Variants in URB1 observed in about 807,000 individuals in gnomAD.
The protein encoded by URB1 is URB1 ribosome biogenesis factor, also known as nucleolar pre-ribosomal-associated protein 1.
In URB1, 197 loss-of-function variants were observed where a neutral mutation model predicts 242.3. The ratio of observed to expected loss-of-function variants is 0.81; its 90% CI spans 0.72 to 0.91. URB1 has a LOEUF of 0.91. URB1 is among the 40% of genes least tolerant of loss of function. The probability of loss-of-function intolerance (pLI) is 0.00; values close to 1 mark genes in which losing one functional copy is unlikely to be tolerated. For missense variants in URB1, 2,721 were observed against 2,860.5 expected (o/e 0.95, Z 1.11); for synonymous variants, 1,153 against 1,201.8 (o/e 0.96, Z 0.84).
chr21:32,380,631 C>T (rs1055995115), intron 4 of URB1, among the ~76,000 whole-genome samples: 1 of 152,196 alleles, frequency 6.6e-6, no homozygotes, highest in African/African-American at 2.4e-5. Context: ...GCTTAAGCTG[C>T]TCCCAAGCCA....
intron 2 of URB1, 62 bp from the exon 3 acceptor site, chr21:32,384,526 T>C (rs2033560530): frequency 1.3e-6 from 2 of 1,514,268 alleles, no homozygotes; most frequent in Non-Finnish European, 1.8e-6. Context: ...TGTACATATA[T>C]GCTCCTTTTG....
chr21:32,328,829 G>A (rs538392126), intron 30 of URB1, among the ~76,000 whole-genome samples: 2 of 152,300 alleles, frequency 1.3e-5, no homozygotes, highest in African/African-American at 4.8e-5. Context: ...TCAGAATGCT[G>A]AAAACATGAT....
Position 32,368,751 on chromosome 21 carries a change from G to A in URB1, c.1002-153C>T, listed in dbSNP as rs149738937. 3.9e-5 allele frequency among the ~76,000 whole-genome samples: 6 copies of A among 152,246 alleles called. No individual in the cohort carries two copies. In the East Asian group the frequency reaches 7.7e-4, roughly 20 times the overall value. ...CCCCAGGACGTAAAGTGGGGGTTCC[G>A]TGGCCTGGGGGTTCCAGCTCTCCAC... On this transcript the variant is annotated intron_variant, in intron 8 of 38. Coordinates refer to ENST00000382751, the MANE Select transcript of URB1 (RefSeq NM_014825.3).
At chr21:32,336,242 G>A (rs937695803) in intron 28 of URB1, among the ~76,000 whole-genome samples, 5 of 152,078 alleles carry the variant, frequency 3.3e-5, no homozygotes, top group Non-Finnish European at 7.4e-5. Context: ...GGGTGGGGAG[G>A]GTTGGGAGAT....
rs781756108 is a variant in URB1, at chr21:32,311,930, TC to T, written c.*2987del. ...TCTGGGAACTGACCCTCAATGGGGGTCCCCTCGTCAGGAGCAAGCCCAGCGA... is the reference window on the plus strand; with the variant it reads ...TCTGGGAACTGACCCTCAATGGGGGTCCCTCGTCAGGAGCAAGCCCAGCGA... On this transcript the variant is annotated 3_prime_UTR_variant, in exon 39 of 39. Coordinates refer to ENST00000382751, the MANE Select transcript of URB1 (RefSeq NM_014825.3). 8 of 1,613,202 alleles carry T rather than the reference TC, an allele frequency of 5.0e-6. No homozygotes were observed. The highest frequency in any genetic ancestry group is 6.8e-6 in the Non-Finnish European group (8 of 1,179,958).
At chr21:32,372,371 T>C (rs1490017315) in intron 8 of URB1, 136 bp downstream of exon 8, 4 of 1,214,232 alleles carry the variant, frequency 3.3e-6, no homozygotes, top group Non-Finnish European at 4.4e-6. Context: ...GGACTACAAC[T>C]GTTCAACCCT....
chr21:32,374,413 C>T (rs1463322185), intron 6 of URB1, among the ~76,000 whole-genome samples: 2 of 152,080 alleles, frequency 1.3e-5, no homozygotes, highest in African/African-American at 4.8e-5. Flanking sequence ...TGATGCAACT[C>T]CCCCAGTTCA....
Position 32,314,903 on chromosome 21 carries a change from G to C in URB1, c.*15C>G. On this transcript the variant is annotated 3_prime_UTR_variant, in exon 39 of 39. Transcript: ENST00000382751. ...GGCTCTGGTCATCAGGGTGCAAGGT[G>C]CTGGCCGGCAGGAGTCAAGCATCTG... The C allele has an allele frequency of 6.5e-7, 1 of 1,546,812 alleles. No homozygotes were observed. The highest frequency in any genetic ancestry group is 8.7e-7 in the Non-Finnish European group (1 of 1,144,310).
Position 32,347,395 on chromosome 21 carries a change from G to A in URB1, c.3429C>T (p.Ser1143=). 1 of 1,551,470 alleles carries A rather than the reference G, an allele frequency of 6.4e-7. No individual in the cohort carries two copies. Among genetic ancestry groups the A allele is most frequent in the East Asian group, 2.4e-5 (1 of 40,902 alleles). Reference sequence around the variant, plus strand: ...CATTCAGGTGTCTTTCCTTCCCGGGGGATTTCGTGGGTTGCTGGGTCACCA... The same window carrying A: ...CATTCAGGTGTCTTTCCTTCCCGGGAGATTTCGTGGGTTGCTGGGTCACCA... ...THLVTQQPTK[S]PGKERHLNAL... is the part of the protein sequence containing the mutation. The change falls in exon 22 of 39, where the codon TCC becomes TCT. Residue 1143 remains serine, a synonymous_variant. Transcript: ENST00000382751.
chr21:32,347,188 G>C lies in URB1; in HGVS notation c.3636C>G (p.Pro1212=). 6.5e-7 allele frequency: 1 copy of C among 1,549,602 alleles called. No homozygotes were observed. Residue 1212 remains proline, a synonymous_variant, in exon 22 of 39, where the codon CCC becomes CCG. Transcript: ENST00000382751. ...AGTCAAGCAGATCAGCCCCGACTGC[G>C]GGGGCCAGCACAGGGTCTCTCTGCA... is the stretch of plus-strand genomic sequence containing the variant. ...HTLQRDPVLA[P]AVGADLLDYC... is the part of the protein sequence containing the mutation.
At chr21:32,322,387 C>G (rs1254704308) in intron 33 of URB1, 91 bp downstream of exon 33, 3 of 1,202,368 alleles carry the variant, frequency 2.5e-6, no homozygotes, top group Non-Finnish European at 3.6e-6. Flanking sequence ...GTGCAGCATA[C>G]AGGATCCATG....
At chr21:32,352,612 T>G (rs2033170252) in intron 19 of URB1, 98 bp downstream of exon 19, 1 of 1,421,006 alleles carries the variant, frequency 7.0e-7, no homozygotes, top group South Asian at 1.3e-5. Flanking sequence ...CCCTGCAGGC[T>G]GTCTGGCTAC....
chr21:32,351,692 G>A (rs975291838), intron 19 of URB1, among the ~76,000 whole-genome samples: 6 of 152,172 alleles, frequency 3.9e-5, no homozygotes, highest in African/African-American at 1.2e-4. Context: ...CCTGGAGGGT[G>A]AGAACCACTG....
intron 30 of URB1, among the ~76,000 whole-genome samples, chr21:32,329,190 C>G (rs1226124331): frequency 6.6e-6 from 1 of 152,016 alleles, no homozygotes; most frequent in Non-Finnish European, 1.5e-5. Flanking sequence ...ACGGCTTGAA[C>G]AGGAGTTTGG....
intron 4 of URB1, among the ~76,000 whole-genome samples, chr21:32,379,508 A>G (rs185360062): frequency 8.1e-4 from 123 of 152,382 alleles, no homozygotes; most frequent in African/African-American, 2.8e-3. Context: ...ACTTAGTAGT[A>G]GCAGGAGAGG....
chr21:32,379,729 C>T (rs1187371650), intron 4 of URB1, among the ~76,000 whole-genome samples: 1 of 152,164 alleles, frequency 6.6e-6, no homozygotes, highest in Non-Finnish European at 1.5e-5. Flanking sequence ...GTGGCTCATG[C>T]CTATAATCCC....
intron 15 of URB1, among the ~76,000 whole-genome samples, 160 bp from the exon 16 acceptor site, chr21:32,355,725 T>C (rs975355158): frequency 5.9e-5 from 9 of 152,228 alleles, no homozygotes; most frequent in Non-Finnish European, 1.0e-4. Flanking sequence ...TTTTCTGCCT[T>C]GGCCTCCTGA....
Position 32,319,425 on chromosome 21 carries a change from G to A in URB1, c.5595-11C>T. 1 of 1,502,264 alleles carries A rather than the reference G, an allele frequency of 6.7e-7. No individual in the cohort carries two copies. Among genetic ancestry groups the A allele is most frequent in the Non-Finnish European group, 8.9e-7 (1 of 1,124,698 alleles). 93.1% of individuals were successfully genotyped at this position (1,502,264 alleles called of 1,614,324 possible). A position where few individuals can be genotyped will look rare whatever the true frequency, so the allele number is the denominator to read the frequency against. ...GGAGTCTCCAGAAACCTAAAACCAA[G>A]CACAACAGCCTTCAATCCGCCACAT... On this transcript the variant is annotated splice_polypyrimidine_tract_variant and intron_variant, in intron 35 of 38. Coordinates refer to ENST00000382751, the MANE Select transcript of URB1 (RefSeq NM_014825.3).
chr21:32,315,594 A>G (rs76390225), intron 38 of URB1, among the ~76,000 whole-genome samples: 1,574 of 152,294 alleles, frequency 0.01, 34 homozygotes, highest in East Asian at 0.088. Flanking sequence ...CCTGGCAGAA[A>G]TTTATCTTTC....
Sources: gnomAD v4.1 joint callset for allele counts (sites outside exome capture counted in the v4.1 genomes callset) on GRCh38, gnomAD v4.1.1 for gene constraint, MANE v1.5 for transcripts, NCBI Gene and HGNC (gene_info 2026-07-23, HGNC 2026-07-21) for gene names.